R3HDM1: variants seen among roughly 807,000 people sequenced by gnomAD.
The protein encoded by R3HDM1 is R3H domain containing 1.
R3HDM1 carries 46 observed loss-of-function variants against 141.1 expected under a neutral mutation model. The ratio of observed to expected loss-of-function variants is 0.33; its 90% confidence interval spans 0.26 to 0.42. The LOEUF (loss-of-function observed/expected upper bound fraction) is 0.42, where lower values mean the gene tolerates loss of function less well. Ranked by LOEUF, R3HDM1 falls within the 10% of genes least tolerant of loss-of-function variation. The pLI is 1.00. For missense variants in R3HDM1, 1,184 were observed against 1,368.3 expected, an observed-to-expected ratio of 0.87 and a Z score of 2.12; for synonymous variants, 435 against 472.9, an observed-to-expected ratio of 0.92 and a Z score of 1.04.
chr2:135,721,778 G>T, intron 24 of R3HDM1, 146 bp from the exon 25 acceptor site: 1 of 518,496 alleles, frequency 1.9e-6, no homozygotes, highest in Non-Finnish European at 3.6e-6. Flanking sequence ...ATTAGAGATG[G>T]GGTTTCACCA....
chr2:135,712,428 ATTTTT>A (rs34713048), intron 23 of R3HDM1, among the ~76,000 whole-genome samples: 1 of 104,036 alleles, frequency 9.6e-6, no homozygotes, highest in African/African-American at 3.7e-5. Flanking sequence ...TGCCCAACTA[ATTTTT>A]TTTTTTTTTT....
At chr2:135,541,003 T>C (rs1697357935) in intron 1 of R3HDM1, among the ~76,000 whole-genome samples, 1 of 152,200 alleles carries the variant, frequency 6.6e-6, no homozygotes, top group Non-Finnish European at 1.5e-5. Context: ...GAGTCTTTTT[T>C]TTCTGAGCAG....
intron 19 of R3HDM1, among the ~76,000 whole-genome samples, chr2:135,664,410 C>T (rs1251522895): frequency 6.6e-6 from 1 of 151,976 alleles, no homozygotes; most frequent in East Asian, 1.9e-4. Flanking sequence ...ATAATGAAAA[C>T]ACTAGTAGAC....
intron 26 of R3HDM1, 120 bp downstream of exon 26, chr2:135,722,673 C>A: frequency 1.0e-6 from 1 of 968,158 alleles, no homozygotes; most frequent in Non-Finnish European, 1.5e-6. Context: ...ATAATTTTTG[C>A]CATCTCTGAT....
intron 22 of R3HDM1, 113 bp from the exon 23 acceptor site, chr2:135,709,946 A>T: frequency 8.9e-7 from 1 of 1,126,078 alleles, no homozygotes; most frequent in Non-Finnish European, 1.2e-6. Flanking sequence ...TTTCTTAGTT[A>T]ATAGTAAAAT....
At chr2:135,718,428 C>A (rs2076375002) in intron 24 of R3HDM1, among the ~76,000 whole-genome samples, 1 of 152,096 alleles carries the variant, frequency 6.6e-6, no homozygotes, top group Admixed American at 6.5e-5. Flanking sequence ...AAGATAGACA[C>A]CAAAATGTTA....
At chr2:135,706,584 C>G (rs531386052) in intron 21 of R3HDM1, among the ~76,000 whole-genome samples, 5 of 151,996 alleles carry the variant, frequency 3.3e-5, no homozygotes, top group African/African-American at 7.2e-5. Flanking sequence ...TGACTCTTAA[C>G]GAGCCTGCTG....
At chr2:135,671,310 G>A (rs1445433406) in intron 19 of R3HDM1, among the ~76,000 whole-genome samples, 3 of 151,708 alleles carry the variant, frequency 2.0e-5, no homozygotes, top group African/African-American at 7.3e-5. Flanking sequence ...TTAATGAAAA[G>A]GTGATTAAAT....
rs556943095 is a variant in R3HDM1, at chr2:135,623,646, CT to C, written c.497+921del. On this transcript the variant is annotated intron_variant, in intron 7 of 26. Transcript: ENST00000683871. ...AGAGAAGGTAGGCAACTCTCCTTGA[CT>C]TTTTTTCCTCCAGTTCAAGTTTATT... 2.2e-4 allele frequency among the ~76,000 whole-genome samples: 33 copies of C among 152,300 alleles called. No homozygotes were observed. In the South Asian group the frequency reaches 5.8e-3, roughly 27 times the overall value.
chr2:135,641,880 TTTA>T, intron 15 of R3HDM1, 90 bp downstream of exon 15: 1 of 1,347,470 alleles, frequency 7.4e-7, no homozygotes. Flanking sequence ...TAGTCAGCTT[TTTA>T]TTATTCATGA....
At chr2:135,673,444 G>A (rs2068702236) in intron 19 of R3HDM1, among the ~76,000 whole-genome samples, 1 of 152,120 alleles carries the variant, frequency 6.6e-6, no homozygotes, top group African/African-American at 2.4e-5. Context: ...GTCATTGTAT[G>A]TTTTAATGGT....
In R3HDM1 at chr2:135,564,530, G is replaced by A. The variant is rs1254843216; in HGVS notation, c.-250+32897G>A. Among the ~76,000 whole-genome samples the A allele has an allele frequency of 3.9e-5, 6 of 152,112 alleles. No homozygotes were observed. In the East Asian group the frequency reaches 1.2e-3, roughly 29 times the overall value. ...AGATGGGGTTTCAGCATTTGACCAA[G>A]CTGGTCTTAAACTCCTGACCTCAGG... On this transcript the variant is annotated intron_variant, in intron 1 of 26. Transcript: ENST00000683871.
chr2:135,723,059 C>G (rs890131602), intron 26 of R3HDM1, among the ~76,000 whole-genome samples: 2 of 152,074 alleles, frequency 1.3e-5, no homozygotes, highest in Admixed American at 1.3e-4. Flanking sequence ...TACAATGCCT[C>G]TTTTTATTTG....
chr2:135,688,404 T>A (rs540756823), intron 21 of R3HDM1, among the ~76,000 whole-genome samples: 1 of 152,262 alleles, frequency 6.6e-6, no homozygotes, highest in East Asian at 1.9e-4. Context: ...GACAAAGTTA[T>A]GAAAAAGATG....
chr2:135,637,198 A>G (rs1451744787), intron 11 of R3HDM1, among the ~76,000 whole-genome samples: 2 of 152,198 alleles, frequency 1.3e-5, no homozygotes, highest in East Asian at 3.8e-4. Flanking sequence ...TGAAGGTGTA[A>G]TAGATGACAC....
intron 19 of R3HDM1, chr2:135,667,216 T>C: frequency 1.0e-6 from 1 of 980,268 alleles, no homozygotes; most frequent in East Asian, 1.1e-4. Flanking sequence ...TTGGTTAAAG[T>C]GAGAGTTAAA....
intron 21 of R3HDM1, among the ~76,000 whole-genome samples, chr2:135,697,724 A>G (rs74265486): frequency 2.0e-5 from 3 of 152,210 alleles, no homozygotes; most frequent in East Asian, 3.8e-4. Context: ...TTTGGGATAC[A>G]TATATATGTG....
chr2:135,709,425 T>C lies in R3HDM1; in HGVS notation c.2460-8T>C. The C allele has an allele frequency of 6.2e-7, 1 of 1,613,958 alleles. No homozygotes were observed. On this transcript the variant is annotated splice_region_variant and splice_polypyrimidine_tract_variant and intron_variant, in intron 21 of 26. Transcript: ENST00000683871. ...TCTCATTATGCTGTTTTTTTGTTTT[T>C]TCCATAGCTCTTCAGTAGGTTACCT... is the stretch of plus-strand genomic sequence containing the variant.
At chr2:135,580,106 CG>C (rs2105026013) in intron 1 of R3HDM1, among the ~76,000 whole-genome samples, 1 of 152,066 alleles carries the variant, frequency 6.6e-6, no homozygotes, top group East Asian at 1.9e-4. Flanking sequence ...AAAAACTAGC[CG>C]GGCATGGTGG....
Sources: allele counts gnomAD v4.1 joint callset (sites outside exome capture counted in the v4.1 genomes callset), GRCh38; gene constraint gnomAD v4.1.1; transcripts MANE v1.5; gene names NCBI Gene and HGNC (gene_info 2026-07-23, HGNC 2026-07-21).